Variants in CREM observed in about 807,000 individuals in gnomAD.
CREM encodes cAMP responsive element modulator, also known as cAMP-responsive element modulator.
Under a neutral mutation model 37.3 loss-of-function variants are expected in CREM, and 13 were observed. The ratio of observed to expected loss-of-function variants is 0.35; its 90% CI spans 0.23 to 0.55. The LOEUF (loss-of-function observed/expected upper bound fraction) is 0.55, where lower values mean the gene tolerates loss of function less well. Ranked by LOEUF, CREM falls within the 20% of genes least tolerant of loss-of-function variation. The pLI is 0.88. For missense variants in CREM, 296 were observed against 362.3 expected, an observed-to-expected ratio of 0.82 and a Z score of 1.49; for synonymous variants, 124 against 120.2, an observed-to-expected ratio of 1.03 and a Z score of -0.21.
At chr10:35,199,173 C>G (rs997295701) in intron 6 of CREM, among the ~76,000 whole-genome samples, 1 of 152,178 alleles carries the variant, frequency 6.6e-6, no homozygotes, top group Non-Finnish European at 1.5e-5. Flanking sequence ...AGAATAATTT[C>G]ATTTAGGTGT....
At chr10:35,175,876 C>T (rs1300475817) in intron 3 of CREM, 1 of 1,564,638 alleles carries the variant, frequency 6.4e-7, no homozygotes, top group Non-Finnish European at 8.7e-7. Flanking sequence ...GATCAGGCAC[C>T]AGAAGAGGCT....
Position 35,206,960 on chromosome 10 carries a change from G to A in CREM, c.664G>A (p.Val222Met). Residue 222 changes from valine to methionine, a missense_variant, in exon 7 of 8, where the codon GTG becomes ATG. This residue lies in a region of CREM where 257 missense variants were observed against 280.2 expected (regional missense o/e 0.92). Coordinates refer to ENST00000685392, the MANE Select transcript of CREM (RefSeq NM_183011.2). ...TACTGCTGCTTTGCCACAGGGAGTG[G>A]TGATGGCTGCATCGCCCGGAAGTTT... ...APTAALPQGV[V>M]MAASPGSLHS... 1 of 1,614,060 alleles carries A rather than the reference G, an allele frequency of 6.2e-7. No homozygotes were observed. Among genetic ancestry groups the A allele is most frequent in the Non-Finnish European group, 8.5e-7 (1 of 1,180,028 alleles).
chr10:35,170,883 A>G (rs1303791468), intron 3 of CREM, among the ~76,000 whole-genome samples: 2 of 152,156 alleles, frequency 1.3e-5, no homozygotes, highest in African/African-American at 4.8e-5. Context: ...ACCAGTGAGA[A>G]TGTAGAATGA....
intron 3 of CREM, among the ~76,000 whole-genome samples, chr10:35,177,109 A>G (rs1334426738): frequency 6.6e-6 from 1 of 152,178 alleles, no homozygotes; most frequent in African/African-American, 2.4e-5. Flanking sequence ...AAATGGAGAC[A>G]CGTATACATA....
At chr10:35,153,113 A>G (rs1298949347) in intron 3 of CREM, among the ~76,000 whole-genome samples, 1 of 152,136 alleles carries the variant, frequency 6.6e-6, no homozygotes, top group Non-Finnish European at 1.5e-5. Flanking sequence ...GTGTGATGGC[A>G]TGCCCTTGTA....
intron 6 of CREM, among the ~76,000 whole-genome samples, chr10:35,194,920 A>G (rs1332315383): frequency 6.6e-6 from 1 of 151,930 alleles, no homozygotes; most frequent in Non-Finnish European, 1.5e-5. Context: ...TATTATTATT[A>G]TTATTATTTG....
intron 1 of CREM, among the ~76,000 whole-genome samples, chr10:35,133,417 G>A (rs552443770): frequency 1.8e-4 from 27 of 151,486 alleles, no homozygotes; most frequent in African/African-American, 5.8e-4. Flanking sequence ...TCCTGCCTCA[G>A]CCTCCCAAGT....
chr10:35,162,371 A>G (rs1032007625), intron 3 of CREM, among the ~76,000 whole-genome samples: 1 of 152,178 alleles, frequency 6.6e-6, no homozygotes, highest in Admixed American at 6.5e-5. Flanking sequence ...GACTATAGTT[A>G]AGGACAATGT....
Position 35,133,756 on chromosome 10 carries a change from A to G in CREM, c.-54-4026A>G, listed in dbSNP as rs560664927. On this transcript the variant is annotated intron_variant, in intron 1 of 7. Transcript: ENST00000685392. ...AGTTTAACAAAATTACAAAATTGCAACAAGTGTGGCTGGCACAATCAGGTT... is the reference window on the plus strand; with the variant it reads ...AGTTTAACAAAATTACAAAATTGCAGCAAGTGTGGCTGGCACAATCAGGTT... Among the ~76,000 whole-genome samples the G allele has an allele frequency of 3.0e-4, 46 of 152,388 alleles. 1 individual carries two copies. Among genetic ancestry groups the G allele is most frequent in the African/African-American group, 1.1e-3 (45 of 41,596 alleles).
chr10:35,188,325 G>A lies in CREM; in HGVS notation c.535G>A (p.Ala179Thr), dbSNP rs192463604. ...ACCAGGTGCTACAATTGTACAGTAC[G>A]CAGCACAATCAGCTGATGGCACACA... is the stretch of plus-strand genomic sequence containing the variant. ...PPPGATIVQY[A>T]AQSADGTQQF... The change falls in exon 6 of 8, where the codon GCA (alanine) becomes ACA (threonine). Residue 179 changes from alanine to threonine, a missense_variant. This residue lies in a region of CREM where 257 missense variants were observed against 280.2 expected (regional missense o/e 0.92). Transcript: ENST00000685392. 1.1e-5 allele frequency: 18 copies of A among 1,613,908 alleles called. No homozygotes were observed. The highest frequency in any genetic ancestry group is 1.1e-4 in the African/African-American group (8 of 74,912).
At chr10:35,158,837 T>TA (rs1564838951) in intron 3 of CREM, among the ~76,000 whole-genome samples, 2 of 142,884 alleles carry the variant, frequency 1.4e-5, no homozygotes, top group Non-Finnish European at 3.1e-5. Context: ...TTTTTTTTTT[T>TA]ACAGACTTAG....
chr10:35,187,181 A>G (rs1165765100), intron 5 of CREM, among the ~76,000 whole-genome samples: 1 of 72,548 alleles, frequency 1.4e-5, no homozygotes, highest in Non-Finnish European at 2.6e-5. Context: ...TAATATTAAT[A>G]TATAAATATA....
At chr10:35,155,631 C>T (rs1548098) in intron 3 of CREM, among the ~76,000 whole-genome samples, 8,850 of 145,650 alleles carry the variant, frequency 0.061, 941 homozygotes, top group African/African-American at 0.21. Flanking sequence ...CTTTTCTTTT[C>T]TTTTTTTTTT....
At chr10:35,166,495 A>T (rs930995479) in intron 3 of CREM, among the ~76,000 whole-genome samples, 1 of 151,436 alleles carries the variant, frequency 6.6e-6, no homozygotes, top group African/African-American at 2.4e-5. Flanking sequence ...CAGGAGGTGG[A>T]TGGAGGTTGC....
intron 1 of CREM, among the ~76,000 whole-genome samples, chr10:35,134,054 TG>T (rs1343398434): frequency 2.6e-4 from 39 of 149,088 alleles, no homozygotes; most frequent in African/African-American, 8.5e-4. Context: ...AAAAGTTTTT[TG>T]TTTTTTTTTT....
chr10:35,141,275 A>G (rs1025653244), intron 2 of CREM, among the ~76,000 whole-genome samples: 5 of 152,212 alleles, frequency 3.3e-5, no homozygotes, highest in African/African-American at 1.2e-4. Flanking sequence ...AGAAGTTTGG[A>G]TTTTATCCTG....
intron 6 of CREM, among the ~76,000 whole-genome samples, chr10:35,188,695 TGGCGCCC>T (rs1386351025): frequency 3.9e-4 from 59 of 150,858 alleles, no homozygotes; most frequent in African/African-American, 1.4e-3. Flanking sequence ...AGTCTCGCTC[TGGCGCCC>T]AGGCTGGAGT....
chr10:35,206,141 G>T (rs558951213), intron 6 of CREM, among the ~76,000 whole-genome samples: 1 of 151,958 alleles, frequency 6.6e-6, no homozygotes, highest in African/African-American at 2.4e-5. Flanking sequence ...CCAGCTACTC[G>T]GGAGGCTGAG....
chr10:35,165,481 A>G (rs1229154995), intron 3 of CREM, among the ~76,000 whole-genome samples: 1 of 152,114 alleles, frequency 6.6e-6, no homozygotes, highest in African/African-American at 2.4e-5. Flanking sequence ...TTTGACATCT[A>G]CTTTTATGTA....
Sources: gnomAD v4.1 joint callset for allele counts (sites outside exome capture counted in the v4.1 genomes callset) on GRCh38, gnomAD v4.1.1 for gene constraint, gnomAD v4.1.1 regional missense constraint, MANE v1.5 for transcripts, NCBI Gene and HGNC (gene_info 2026-07-23, HGNC 2026-07-21) for gene names.